CPM: variants seen among roughly 807,000 people sequenced by gnomAD.
CPM encodes the protein carboxypeptidase M.
Under a neutral mutation model 46.4 loss-of-function variants are expected in CPM, and 35 were observed. That is an observed-to-expected ratio of 0.75 (90% CI 0.58 to 1.00). CPM has a LOEUF of 1.00. Among genes scored for constraint, CPM ranks in the 50% least tolerant of loss-of-function variants. CPM has a pLI of 0.00. For synonymous variants in CPM, 195 were observed against 195.3 expected (o/e 1.00, Z 0.01); for missense variants, 422 against 530.4 (o/e 0.80, Z 2.01).
intron 1 of CPM, among the ~76,000 whole-genome samples, chr12:68,942,221 T>G (rs1888776708): frequency 6.6e-6 from 1 of 152,242 alleles, no homozygotes. Context: ...AAGTTGTCTA[T>G]CAAAAACCAA....
chr12:68,874,738 T>C (rs1015535637), intron 3 of CPM, among the ~76,000 whole-genome samples: 3 of 152,178 alleles, frequency 2.0e-5, no homozygotes, highest in African/African-American at 7.2e-5. Flanking sequence ...CTTAAATGTC[T>C]AAATGCTGGT....
intron 2 of CPM, among the ~76,000 whole-genome samples, chr12:68,904,123 C>A (rs112868058): frequency 1.6e-4 from 25 of 152,228 alleles, no homozygotes; most frequent in African/African-American, 5.8e-4. Context: ...CAAGTGATCC[C>A]ACCGCCTTGG....
chr12:68,900,067 G>A (rs1887051398), intron 2 of CPM, among the ~76,000 whole-genome samples: 1 of 151,976 alleles, frequency 6.6e-6, no homozygotes, highest in South Asian at 2.1e-4. Context: ...AAAGCTGGAG[G>A]GATCAAGAGA....
chr12:68,866,875 T>C, intron 7 of CPM, 21 bp downstream of exon 7: 1 of 1,601,532 alleles, frequency 6.2e-7, no homozygotes, highest in Non-Finnish European at 8.5e-7. Flanking sequence ...AATAGGGAAT[T>C]AATAAGAAAA....
chr12:68,921,236 G>C (rs1565798353), intron 2 of CPM, among the ~76,000 whole-genome samples: 1 of 151,492 alleles, frequency 6.6e-6, no homozygotes, highest in East Asian at 1.9e-4. Flanking sequence ...CCACCTCCCG[G>C]GTTCAAGCGA....
At chr12:68,886,808 C>T (rs974309698) in intron 2 of CPM, among the ~76,000 whole-genome samples, 27 of 152,162 alleles carry the variant, frequency 1.8e-4, no homozygotes, top group African/African-American at 5.8e-4. Context: ...CCAAAGAAAG[C>T]GTCTAAGTCT....
rs1305400597 is a variant in CPM, at chr12:68,945,834, T to C, written c.-3-12994A>G. On this transcript the variant is annotated intron_variant, in intron 1 of 8. Transcript: ENST00000546373. ...ACAAGGCTAGAATTTTTTTCTTTTCTTTTCTTTCTTTCTTTTTTTTTTTTT... is the reference window on the plus strand; with the variant it reads ...ACAAGGCTAGAATTTTTTTCTTTTCCTTTCTTTCTTTCTTTTTTTTTTTTT... 2.7e-5 allele frequency among the ~76,000 whole-genome samples: 4 copies of C among 149,914 alleles called. No homozygotes were observed. The East Asian group carries it at 5.8e-4, about 22-fold the overall frequency.
upstream of CPM, among the ~76,000 whole-genome samples, chr12:68,934,033 G>A (rs1030964859): frequency 6.6e-6 from 1 of 152,058 alleles, no homozygotes; most frequent in Non-Finnish European, 1.5e-5. Context: ...AAACCTGAGA[G>A]GTGGTTTGTG....
intron 2 of CPM, among the ~76,000 whole-genome samples, chr12:68,912,817 C>G (rs372548379): frequency 6.6e-6 from 1 of 152,198 alleles, no homozygotes; most frequent in South Asian, 2.1e-4. Flanking sequence ...ATTGAGCAAG[C>G]CTCAGGGTTT....
chr12:68,954,189 C>T (rs1000930569), intron 1 of CPM, among the ~76,000 whole-genome samples: 3 of 152,138 alleles, frequency 2.0e-5, no homozygotes, highest in Non-Finnish European at 2.9e-5. Flanking sequence ...TGTGCCACAT[C>T]ATTTAGAAAA....
chr12:68,909,810 A>G lies in CPM; in HGVS notation c.160+22868T>C, dbSNP rs377106075. On this transcript the variant is annotated intron_variant, in intron 2 of 8. Transcript: ENST00000551568. ...CGAGAACACATGGACACAGGGAGGG[A>G]AACATCACACACTGGGGCCTGTTGG... 4.6e-3 allele frequency among the ~76,000 whole-genome samples: 647 copies of G among 141,372 alleles called. 3 individuals carry two copies. The highest frequency in any genetic ancestry group is 5.5e-3 in the Non-Finnish European group (359 of 65,314). 92.7% of individuals were successfully genotyped at this position (141,372 alleles called of 152,430 possible). A position where few individuals can be genotyped will look rare whatever the true frequency, so the allele number is the denominator to read the frequency against.
intron 2 of CPM, among the ~76,000 whole-genome samples, chr12:68,892,441 C>A (rs1021293767): frequency 6.6e-6 from 1 of 152,202 alleles, no homozygotes; most frequent in Middle Eastern, 3.2e-3. Flanking sequence ...TTAAGGACTA[C>A]AGGTGAGCCT....
chr12:68,869,430 T>G lies in CPM; in HGVS notation c.682A>C (p.Thr228Pro), dbSNP rs542142468. 1 of 1,614,066 alleles carries G rather than the reference T, an allele frequency of 6.2e-7. No homozygotes were observed. Among genetic ancestry groups the G allele is most frequent in the African/African-American group, 1.3e-5 (1 of 75,048 alleles). The stretch of plus-strand genomic sequence containing the variant: ...ATGTTGGGATTTCTTGAAGCATAGG[T>G]ATGTGCAAGATATTGAAAAACATCA... ...DDDVFQYLAH[T>P]YASRNPNMKK... The change falls in exon 6 of 9, where the codon ACC becomes CCC. Residue 228 changes from threonine (T) to proline (P), a missense_variant. Transcript: ENST00000551568.
At chr12:68,872,707 G>A (rs1350230071) in intron 3 of CPM, among the ~76,000 whole-genome samples, 1 of 151,642 alleles carries the variant, frequency 6.6e-6, no homozygotes, top group East Asian at 1.9e-4. Flanking sequence ...ATGTATTGGT[G>A]GATAACAGAC....
At chr12:68,902,740 T>C (rs141262421) in intron 2 of CPM, among the ~76,000 whole-genome samples, 519 of 152,364 alleles carry the variant, frequency 3.4e-3, no homozygotes, top group African/African-American at 0.012. Context: ...AATGACGAGA[T>C]GGGCTCAGAC....
downstream of CPM, chr12:68,847,528 A>G (rs1469830396): frequency 7.8e-6 from 1 of 128,702 alleles, no homozygotes; most frequent in Admixed American, 9.6e-5. Context: ...ATCTCGGCTC[A>G]CTGCAAGCTC....
At chr12:68,872,003 T>A in intron 3 of CPM, 47 bp from the exon 4 acceptor site, 1 of 1,599,562 alleles carries the variant, frequency 6.3e-7, no homozygotes, top group Non-Finnish European at 8.6e-7. Flanking sequence ...TCAGAGGCAA[T>A]AAGGAAAGCA....
chr12:68,963,329 C>T (rs1475228638), upstream of CPM: 1 of 160,828 alleles, frequency 6.2e-6, no homozygotes, highest in African/African-American at 2.4e-5. Context: ...ACCCTTTTGT[C>T]CAGTCATATT....
In CPM at chr12:68,926,888, T is replaced by G. The variant is rs1352149889; in HGVS notation, c.160+5790A>C. Reference sequence around the variant, plus strand: ...TTCATCCATGTCCCTACAAAGGACATGAACTCATCATTCTTTGTGGCTGCA... The same window carrying G: ...TTCATCCATGTCCCTACAAAGGACAGGAACTCATCATTCTTTGTGGCTGCA... On this transcript the variant is annotated intron_variant, in intron 2 of 8. Transcript: ENST00000551568. Among the ~76,000 whole-genome samples the G allele has an allele frequency of 3.3e-5, 5 of 152,242 alleles. No homozygotes were observed. In the East Asian group the frequency reaches 9.6e-4, roughly 29 times the overall value.
Sources: allele counts gnomAD v4.1 joint callset (sites outside exome capture counted in the v4.1 genomes callset), GRCh38; gene constraint gnomAD v4.1.1; transcripts MANE v1.5; gene names NCBI Gene and HGNC (gene_info 2026-07-23, HGNC 2026-07-21).